The following MGLL variants were observed in gnomAD, a reference collection of about 807,000 sequenced individuals.
MGLL encodes monoglyceride lipase.
Under a neutral mutation model 29.1 loss-of-function variants are expected in MGLL, and 7 were observed. The observed-to-expected ratio is 0.24, with a 90% CI of 0.14 to 0.45. The LOEUF (loss-of-function observed/expected upper bound fraction) is 0.45. Among genes scored for constraint, MGLL ranks in the 20% least tolerant of loss-of-function variants. The probability of loss-of-function intolerance (pLI) is 0.99; values close to 1 mark genes in which losing one functional copy is unlikely to be tolerated. For synonymous variants in MGLL, 148 were observed against 168.3 expected (o/e 0.88, Z 0.93); for missense variants, 356 against 413.6 (o/e 0.86, Z 1.21).
At chr3:127,715,839 G>A (rs1407350768) in intron 5 of MGLL, 1 of 456,432 alleles carries the variant, frequency 2.2e-6, no homozygotes, top group South Asian at 1.5e-5. Flanking sequence ...AAGCCTCAGA[G>A]GGGAGTTGCT....
intron 3 of MGLL, among the ~76,000 whole-genome samples, chr3:127,746,147 G>T (rs754182675): frequency 2.0e-5 from 3 of 152,108 alleles, no homozygotes; most frequent in Non-Finnish European, 2.9e-5. Flanking sequence ...CTGTGAGAAC[G>T]CCTGGGATGG....
intron 3 of MGLL, among the ~76,000 whole-genome samples, chr3:127,731,597 C>T (rs2076151775): frequency 6.6e-6 from 1 of 152,126 alleles, no homozygotes; most frequent in South Asian, 2.1e-4. Context: ...CAGGGCCAGG[C>T]AACAGACAAT....
intron 2 of MGLL, among the ~76,000 whole-genome samples, chr3:127,794,680 C>T (rs183170909): frequency 1.1e-4 from 17 of 152,132 alleles, no homozygotes; most frequent in South Asian, 4.2e-4. Flanking sequence ...CTATCTTCCA[C>T]GATGTGGAAC....
chr3:127,706,446 G>T (rs930860466), intron 6 of MGLL, among the ~76,000 whole-genome samples: 1 of 152,198 alleles, frequency 6.6e-6, no homozygotes, highest in Non-Finnish European at 1.5e-5. Flanking sequence ...GGATCTGCCT[G>T]TCATGAGCTC....
At chr3:127,723,633 C>T (rs926569529) in intron 3 of MGLL, among the ~76,000 whole-genome samples, 10 of 152,126 alleles carry the variant, frequency 6.6e-5, no homozygotes, top group African/African-American at 2.2e-4. Flanking sequence ...CCTTTCCTTG[C>T]CCTTCTGAGC....
intron 3 of MGLL, among the ~76,000 whole-genome samples, chr3:127,733,773 C>T (rs529718416): frequency 6.6e-6 from 1 of 152,344 alleles, no homozygotes; most frequent in South Asian, 2.1e-4. Context: ...CTCCATGCCT[C>T]CCTGGGTAGA....
intron 3 of MGLL, among the ~76,000 whole-genome samples, chr3:127,772,730 A>C (rs1184709928): frequency 6.6e-6 from 1 of 152,170 alleles, no homozygotes; most frequent in African/African-American, 2.4e-5. Flanking sequence ...ATTCATGTTG[A>C]AATCCCAACC....
chr3:127,738,525 T>C (rs986472756), intron 3 of MGLL, among the ~76,000 whole-genome samples: 4 of 152,124 alleles, frequency 2.6e-5, no homozygotes, highest in African/African-American at 9.7e-5. Flanking sequence ...CTCACAACCA[T>C]GGACAGGCAG....
chr3:127,779,668 G>A (rs2077090962), intron 3 of MGLL, among the ~76,000 whole-genome samples: 2 of 152,226 alleles, frequency 1.3e-5, no homozygotes, highest in Admixed American at 6.5e-5. Flanking sequence ...AATGCATTGA[G>A]CAACGAGATC....
intron 6 of MGLL, among the ~76,000 whole-genome samples, chr3:127,696,853 G>A (rs73203024): frequency 0.04 from 6,016 of 152,176 alleles, 167 homozygotes; most frequent in Non-Finnish European, 0.064. Flanking sequence ...GCTGCTCCCC[G>A]GGCAACCAGG....
chr3:127,690,454 A>G lies in MGLL; in HGVS notation c.*1744T>C, dbSNP rs888551344. The G allele has an allele frequency of 6.6e-6, 1 of 152,324 alleles. No homozygotes were observed. Among genetic ancestry groups the G allele is most frequent in the Non-Finnish European group, 1.5e-5 (1 of 68,142 alleles). The allele number at this position is 152,324 out of a possible 1,614,324, so 9.4% of individuals were successfully genotyped here. A position where few individuals can be genotyped will look rare whatever the true frequency, so the allele number is the denominator to read the frequency against. The stretch of plus-strand genomic sequence containing the variant: ...ACCCGTTCCTGGCTCTCATGGTGTG[A>G]TCAGGGCTGCTGGAGGGAGGGTGGA... On this transcript the variant is annotated 3_prime_UTR_variant, in exon 8 of 8. Transcript: ENST00000265052.
chr3:127,694,881 G>T, intron 7 of MGLL, 94 bp downstream of exon 7: 4 of 1,226,220 alleles, frequency 3.3e-6, no homozygotes, highest in Admixed American at 1.8e-5. Flanking sequence ...CTGGGAGGTG[G>T]CCCTCGAGGG....
chr3:127,803,836 G>A (rs2077520102), intron 2 of MGLL, among the ~76,000 whole-genome samples: 1 of 152,140 alleles, frequency 6.6e-6, no homozygotes, highest in African/African-American at 2.4e-5. Context: ...GAGTACTTAA[G>A]AGAGAGACTC....
At chr3:127,814,654 G>C (rs866582674) in intron 2 of MGLL, among the ~76,000 whole-genome samples, 29 of 152,270 alleles carry the variant, frequency 1.9e-4, no homozygotes, top group Middle Eastern at 3.4e-3. Context: ...AGCCAGATTT[G>C]TATCAGCAGA....
At chr3:127,702,820 G>A (rs1005911413) in intron 6 of MGLL, among the ~76,000 whole-genome samples, 5 of 151,972 alleles carry the variant, frequency 3.3e-5, no homozygotes, top group East Asian at 3.9e-4. Context: ...TCAGCCTCCC[G>A]AGTAGCTGGG....
chr3:127,808,060 G>GA (rs1445802116), intron 2 of MGLL, among the ~76,000 whole-genome samples: 3 of 151,988 alleles, frequency 2.0e-5, no homozygotes, highest in Middle Eastern at 3.2e-3. Context: ...ATGCCTGGAC[G>GA]AAAACTCTTT....
At chr3:127,749,791 T>C (rs548859386) in intron 3 of MGLL, among the ~76,000 whole-genome samples, 2 of 152,218 alleles carry the variant, frequency 1.3e-5, no homozygotes, top group South Asian at 4.1e-4. Flanking sequence ...CGTGTGTATG[T>C]GTGTTATGCG....
chr3:127,704,639 A>G (rs1213721918), intron 6 of MGLL, among the ~76,000 whole-genome samples: 1 of 152,238 alleles, frequency 6.6e-6, no homozygotes, highest in Non-Finnish European at 1.5e-5. Context: ...CACATGAAAA[A>G]AAGCTCAACA....
intron 2 of MGLL, among the ~76,000 whole-genome samples, chr3:127,788,554 G>A (rs939726223): frequency 3.3e-5 from 5 of 152,004 alleles, no homozygotes; most frequent in Admixed American, 6.6e-5. Context: ...CACCTGTCCC[G>A]GCACCCCTAC....
Sources: gnomAD v4.1 joint callset for allele counts (sites outside exome capture counted in the v4.1 genomes callset) on GRCh38, gnomAD v4.1.1 for gene constraint, MANE v1.5 for transcripts, NCBI Gene and HGNC (gene_info 2026-07-23, HGNC 2026-07-21) for gene names.